SNAP91: variants seen among roughly 807,000 people sequenced by gnomAD.
SNAP91 encodes synaptosome associated protein 91.
A neutral mutation model predicts 100.3 loss-of-function variants in SNAP91; 27 were observed. The observed-to-expected ratio is 0.27, with a 90% CI of 0.20 to 0.37. The LOEUF (loss-of-function observed/expected upper bound fraction) is 0.37, where lower values mean the gene tolerates loss of function less well. SNAP91 is among the 10% of genes least tolerant of loss of function. The pLI is 1.00. For missense variants in SNAP91, 986 were observed against 1,123.7 expected (o/e 0.88, Z 1.75); for synonymous variants, 404 against 398.6 (o/e 1.01, Z -0.16).
intron 24 of SNAP91, among the ~76,000 whole-genome samples, chr6:83,578,656 A>G (rs1318410530): frequency 2.0e-5 from 3 of 152,114 alleles, no homozygotes; most frequent in African/African-American, 7.2e-5. Flanking sequence ...ATGATTTGCA[A>G]ATATTTTCTC....
At chr6:83,607,504 G>C (rs1408054999) in intron 13 of SNAP91, among the ~76,000 whole-genome samples, 195 bp downstream of exon 13, 1 of 152,232 alleles carries the variant, frequency 6.6e-6, no homozygotes. Context: ...TGACAACAAG[G>C]TGATTTCTAT....
intron 8 of SNAP91, among the ~76,000 whole-genome samples, chr6:83,635,066 G>A (rs1014427814): frequency 3.9e-5 from 6 of 152,100 alleles, no homozygotes; most frequent in African/African-American, 1.4e-4. Flanking sequence ...AGCATGTGGT[G>A]GATCTTAGAG....
At chr6:83,605,549 C>A in intron 14 of SNAP91, 136 bp downstream of exon 14, 1 of 1,139,992 alleles carries the variant, frequency 8.8e-7, no homozygotes, top group South Asian at 1.5e-5. Context: ...CAATAAATGC[C>A]ATTCTTAACA....
chr6:83,688,043 T>C (rs2128964279), intron 2 of SNAP91, among the ~76,000 whole-genome samples: 1 of 152,122 alleles, frequency 6.6e-6, no homozygotes, highest in East Asian at 1.9e-4. Context: ...CCCATGGAGG[T>C]TGACTCCATT....
At chr6:83,624,213 T>C (rs749608055) in intron 8 of SNAP91, among the ~76,000 whole-genome samples, 17 of 152,092 alleles carry the variant, frequency 1.1e-4, no homozygotes, top group Non-Finnish European at 2.4e-4. Flanking sequence ...TATGAAAAAA[T>C]ATTAATAAAG....
chr6:83,601,638 A>C (rs1452264816), intron 14 of SNAP91, 39 bp from the exon 15 acceptor site: 1 of 1,606,124 alleles, frequency 6.2e-7, no homozygotes, highest in Non-Finnish European at 8.5e-7. Context: ...AGAATAAATA[A>C]GAGCTAAAGT....
intron 11 of SNAP91, among the ~76,000 whole-genome samples, chr6:83,611,863 A>ATTTTTTTTTTTTTTTTTT (rs750966269): frequency 1.1e-5 from 1 of 91,260 alleles, no homozygotes; most frequent in African/African-American, 5.0e-5. Flanking sequence ...CGCCCGGCTA[A>ATTTTTTTTTTTTTTTTTT]TTTTTTTTTT....
At chr6:83,564,726 T>C (rs1794175586) in intron 26 of SNAP91, among the ~76,000 whole-genome samples, 1 of 151,812 alleles carries the variant, frequency 6.6e-6, no homozygotes, top group Admixed American at 6.6e-5. Context: ...AAACGATAAA[T>C]TTGGACCCCT....
At chr6:83,614,610 A>AAT in intron 11 of SNAP91, among the ~76,000 whole-genome samples, 1 of 152,242 alleles carries the variant, frequency 6.6e-6, no homozygotes, top group South Asian at 2.1e-4. Flanking sequence ...GGAATATATT[A>AAT]ATATAAATAC....
At chr6:83,575,150 C>T in intron 25 of SNAP91, 29 bp from the exon 26 acceptor site, 1 of 1,473,340 alleles carries the variant, frequency 6.8e-7, no homozygotes, top group Non-Finnish European at 9.4e-7. Context: ...AACAAGCAAA[C>T]AAACAAAAAA....
chr6:83,634,113 T>TA (rs922204628), intron 8 of SNAP91, among the ~76,000 whole-genome samples: 16 of 151,620 alleles, frequency 1.1e-4, no homozygotes, highest in East Asian at 3.9e-4. Flanking sequence ...ATAATAAAAT[T>TA]AAAAAAAAAT....
intron 22 of SNAP91, among the ~76,000 whole-genome samples, chr6:83,589,815 G>GA (rs1432779569): frequency 2.0e-5 from 3 of 152,152 alleles, no homozygotes; most frequent in African/African-American, 7.2e-5. Flanking sequence ...CAACTCTGAA[G>GA]GCTGATGAGG....
intron 7 of SNAP91, among the ~76,000 whole-genome samples, chr6:83,644,871 T>G (rs2097854577): frequency 6.6e-6 from 1 of 152,198 alleles, no homozygotes; most frequent in African/African-American, 2.4e-5. Flanking sequence ...CTCCTAGCAC[T>G]ATCAGGTAAA....
intron 12 of SNAP91, among the ~76,000 whole-genome samples, chr6:83,608,037 A>G (rs1290192446): frequency 6.6e-6 from 1 of 152,218 alleles, no homozygotes; most frequent in Non-Finnish European, 1.5e-5. Context: ...AAATGATAAA[A>G]TATTTGGCTT....
At chr6:83,610,710 AATATATATAT>A (rs747428612) in intron 11 of SNAP91, 33 bp from the exon 12 acceptor site, 15 of 211,562 alleles carry the variant, frequency 7.1e-5, no homozygotes, top group East Asian at 3.6e-4. Context: ...ATTAAAACTG[AATATATATAT>A]ATATATATAT....
rs778263073 is a variant in SNAP91 at position 83,593,541 on chromosome 6, T to TGGTGGCAGCGGC, written c.1621_1632dup (p.Ala541_Thr544dup). 3 of 1,553,108 alleles carry TGGTGGCAGCGGC rather than the reference T, an allele frequency of 1.9e-6. No individual in the cohort carries two copies. The highest frequency in any genetic ancestry group is 3.9e-5 in the Admixed American group (2 of 51,062). On this transcript the variant is annotated inframe_insertion, in exon 18 of 30. Transcript: ENST00000369694. ...GTGGCAGCGGAGGTGGTGGTAGTGG[T>TGGTGGCAGCGGC]GGTGGCAGCGGCGGTGGCAGCAGTA...
At chr6:83,621,177 T>C (rs576627910) in intron 9 of SNAP91, among the ~76,000 whole-genome samples, 1 of 152,248 alleles carries the variant, frequency 6.6e-6, no homozygotes, top group East Asian at 1.9e-4. Context: ...ATATACTCAA[T>C]GTTTAGCTCC....
chr6:83,707,692 G>A, intron 2 of SNAP91, 106 bp downstream of exon 2: 1 of 1,431,192 alleles, frequency 7.0e-7, no homozygotes, highest in Non-Finnish European at 9.4e-7. Context: ...ACCTGGCTGG[G>A]AGTATCAGAG....
At chr6:83,702,879 C>G (rs1457185181) in intron 2 of SNAP91, among the ~76,000 whole-genome samples, 1 of 152,054 alleles carries the variant, frequency 6.6e-6, no homozygotes, top group Non-Finnish European at 1.5e-5. Context: ...AGCATGCTCC[C>G]TCCTATTACC....
Sources: gnomAD v4.1 joint callset for allele counts (sites outside exome capture counted in the v4.1 genomes callset) on GRCh38, gnomAD v4.1.1 for gene constraint, MANE v1.5 for transcripts, NCBI Gene and HGNC (gene_info 2026-07-23, HGNC 2026-07-21) for gene names.